The following BEND4 variants were observed in gnomAD, a reference collection of about 807,000 sequenced individuals.
BEND4 encodes the protein BEN domain containing 4.
Under a neutral mutation model 54.7 loss-of-function variants are expected in BEND4, and 27 were observed. That is an observed-to-expected ratio of 0.49 (90% CI 0.36 to 0.68). BEND4 has a LOEUF of 0.68. BEND4 is among the 30% of genes least tolerant of loss of function. BEND4 has a pLI of 0.00. For missense variants in BEND4, 702 were observed against 697.2 expected, an observed-to-expected ratio of 1.01 and a Z score of -0.08; for synonymous variants, 327 against 299.5, an observed-to-expected ratio of 1.09 and a Z score of -0.95.
At position 42,115,561 on chromosome 4, in the gene BEND4, A is replaced by T. The variant is rs1719776694; in HGVS notation, c.*1957T>A. On this transcript the variant is annotated 3_prime_UTR_variant, in exon 6 of 6. Coordinates refer to ENST00000502486, the MANE Select transcript of BEND4 (RefSeq NM_207406.4). The stretch of plus-strand genomic sequence containing the variant: ...CAGAACGATGTATTCAGCAGTAAGG[A>T]CAACTTAAGGCCAATGAAAAATTAA... 1 of 152,252 alleles carries T rather than the reference A, an allele frequency of 6.6e-6. No homozygotes were observed. The highest frequency in any genetic ancestry group is 2.4e-5 in the African/African-American group (1 of 41,468). 9.4% of individuals were successfully genotyped at this position (152,252 alleles called of 1,614,324 possible).
intron 2 of BEND4, among the ~76,000 whole-genome samples, chr4:42,145,279 G>C (rs1430308460): frequency 1.3e-5 from 2 of 152,146 alleles, no homozygotes; most frequent in Non-Finnish European, 2.9e-5. Flanking sequence ...CACTACAGGA[G>C]AACTCCATGC....
At chr4:42,141,203 C>T (rs1193011487) in intron 3 of BEND4, among the ~76,000 whole-genome samples, 4 of 152,172 alleles carry the variant, frequency 2.6e-5, no homozygotes, top group Non-Finnish European at 5.9e-5. Context: ...AAGGAGAAAA[C>T]GGATTTGCTG....
intron 4 of BEND4, among the ~76,000 whole-genome samples, chr4:42,120,772 C>T (rs558213351): frequency 6.6e-6 from 1 of 152,090 alleles, no homozygotes; most frequent in South Asian, 2.1e-4. Flanking sequence ...ACCTGGTAGT[C>T]ACTGCATTAC....
chr4:42,116,390 A>T lies in BEND4; in HGVS notation c.*1128T>A, dbSNP rs1032353976. 1.3e-5 allele frequency: 2 copies of T among 152,256 alleles called. No homozygotes were observed. The highest frequency in any genetic ancestry group is 2.9e-5 in the Non-Finnish European group (2 of 68,048). 9.4% of individuals were successfully genotyped at this position (152,256 alleles called of 1,614,324 possible). A position where few individuals can be genotyped will look rare whatever the true frequency, so the allele number is the denominator to read the frequency against. On this transcript the variant is annotated 3_prime_UTR_variant, in exon 6 of 6. Coordinates refer to ENST00000502486, the MANE Select transcript of BEND4 (RefSeq NM_207406.4). ...ACTAATTTCACATATGGAACTCAAC[A>T]AATTAACCAGGGGATAGCGGCACAG...
At chr4:42,133,705 A>T (rs1212930662) in intron 3 of BEND4, among the ~76,000 whole-genome samples, 2 of 152,144 alleles carry the variant, frequency 1.3e-5, no homozygotes, top group Admixed American at 6.5e-5. Flanking sequence ...AATACAAAAA[A>T]TTAGCTGGGT....
intron 3 of BEND4, among the ~76,000 whole-genome samples, chr4:42,128,814 T>C (rs555500275): frequency 2.0e-5 from 3 of 151,556 alleles, no homozygotes; most frequent in Non-Finnish European, 4.4e-5. Flanking sequence ...TGGGCGCCTG[T>C]AGTCCCAGCT....
Position 42,151,990 on chromosome 4 carries a change from C to G in BEND4, c.154G>C (p.Val52Leu). 1 of 1,254,276 alleles carries G rather than the reference C, an allele frequency of 8.0e-7. No homozygotes were observed. Among genetic ancestry groups the G allele is most frequent in the Non-Finnish European group, 1.0e-6 (1 of 995,110 alleles). The allele number at this position is 1,254,276 out of a possible 1,614,324, so 77.7% of individuals were successfully genotyped here. A position where few individuals can be genotyped will look rare whatever the true frequency, so the allele number is the denominator to read the frequency against. Reference protein sequence around the residue: ...ERPTLVELPHVRAPPPPPPPF... With the variant: ...ERPTLVELPHLRAPPPPPPPF... The stretch of plus-strand genomic sequence containing the variant: ...GGCGGGGGCGGCGGGGGCGCCCGCA[C>G]GTGCGGCAGCTCCACCAGGGTGGGT... Residue 52 changes from valine (V) to leucine (L), a missense_variant, in exon 2 of 6, where the codon GTG (valine) becomes CTG (leucine). Coordinates refer to ENST00000502486, the MANE Select transcript of BEND4 (RefSeq NM_207406.4).
chr4:42,151,431 A>C, intron 2 of BEND4: 2 of 349,994 alleles, frequency 5.7e-6, no homozygotes, highest in East Asian at 9.3e-5. Context: ...GCGGGATCCA[A>C]GCCGCGGAGC....
Position 42,151,972 on chromosome 4 carries a change from G to A in BEND4, c.172C>T (p.Pro58Ser), listed in dbSNP as rs1028356119. The stretch of plus-strand genomic sequence containing the variant: ...GCGTGCGGCGCGAAGGGCGGCGGGG[G>A]CGGCGGGGGCGCCCGCACGTGCGGC... ...ELPHVRAPPP[P>S]PPPFAPHAAV... Residue 58 changes from proline to serine, a missense_variant, in exon 2 of 6, where the codon CCC becomes TCC. By Grantham distance (74) the Pro-to-Ser change is moderately conservative. Transcript: ENST00000502486. 21 of 1,251,514 alleles carry A rather than the reference G, an allele frequency of 1.7e-5. No homozygotes were observed. Among genetic ancestry groups the A allele is most frequent in the African/African-American group, 3.1e-5 (2 of 64,166 alleles). 77.5% of individuals were successfully genotyped at this position (1,251,514 alleles called of 1,614,324 possible).
chr4:42,122,722 T>C (rs1720111645), intron 4 of BEND4, among the ~76,000 whole-genome samples: 1 of 152,228 alleles, frequency 6.6e-6, no homozygotes, highest in African/African-American at 2.4e-5. Flanking sequence ...TCTAGCTGCT[T>C]TTTAAGCTGT....
chr4:42,117,230 G>A lies in BEND4; in HGVS notation c.*288C>T, dbSNP rs1409365711. 1 of 265,502 alleles carries A rather than the reference G, an allele frequency of 3.8e-6. No individual in the cohort carries two copies. The highest frequency in any genetic ancestry group is 8.8e-5 in the East Asian group (1 of 11,336). The allele number at this position is 265,502 out of a possible 1,614,324, so 16.4% of individuals were successfully genotyped here. A position where few individuals can be genotyped will look rare whatever the true frequency, so the allele number is the denominator to read the frequency against. On this transcript the variant is annotated 3_prime_UTR_variant, in exon 6 of 6. Coordinates refer to ENST00000502486, the MANE Select transcript of BEND4 (RefSeq NM_207406.4). ...TAGCAGAGTTTGAAGATTTCAGAAA[G>A]GTAACTAGGAGCTCACCTATTTTTT... is the stretch of plus-strand genomic sequence containing the variant.
chr4:42,133,638 T>G (rs975916888), intron 3 of BEND4, among the ~76,000 whole-genome samples: 1 of 151,322 alleles, frequency 6.6e-6, no homozygotes, highest in African/African-American at 2.4e-5. Context: ...GTAGATCACG[T>G]GGTCAGGAGA....
chr4:42,125,676 T>C lies in BEND4; in HGVS notation c.1055-2A>G. 6.3e-7 allele frequency: 1 copy of C among 1,589,670 alleles called. No homozygotes were observed. The highest frequency in any genetic ancestry group is 8.6e-7 in the Non-Finnish European group (1 of 1,168,632). ...AATCTAAAACGGTCTGGCAGGGCAC[T>C]GGGTGGAAGAAATGGCAACAATTAC... On this transcript the variant is annotated splice_acceptor_variant, in intron 3 of 5. Coordinates refer to ENST00000502486, the MANE Select transcript of BEND4 (RefSeq NM_207406.4). LOFTEE classifies it high-confidence loss of function.
chr4:42,134,712 A>G (rs1720635487), intron 3 of BEND4, among the ~76,000 whole-genome samples: 1 of 152,228 alleles, frequency 6.6e-6, no homozygotes, highest in Non-Finnish European at 1.5e-5. Flanking sequence ...CTTGCTTGCG[A>G]ACTGTGGGAA....
In BEND4 at chr4:42,145,068, A is replaced by G. The variant is rs555159566; in HGVS notation, c.488-1074T>C. Among the ~76,000 whole-genome samples, 15 of 152,304 alleles carry G rather than the reference A, an allele frequency of 9.8e-5. No individual in the cohort carries two copies. The East Asian group carries it at 2.3e-3, about 23-fold the overall frequency. On this transcript the variant is annotated intron_variant, in intron 2 of 5. Transcript: ENST00000502486. ...AATATTCTAGATTGTAGATGCCTAT[A>G]ACTATTGTTTAAGATAAAAATGCAA...
At chr4:42,131,886 C>A (rs894383490) in intron 3 of BEND4, among the ~76,000 whole-genome samples, 1 of 152,124 alleles carries the variant, frequency 6.6e-6, no homozygotes, top group Non-Finnish European at 1.5e-5. Context: ...TCCTACAAGG[C>A]AGGGACCTTG....
At chr4:42,151,436 C>T in intron 2 of BEND4, 1 of 366,150 alleles carries the variant, frequency 2.7e-6, no homozygotes, top group Non-Finnish European at 4.8e-6. Flanking sequence ...ATCCAAGCCG[C>T]GGAGCCACCT....
At position 42,151,814 on chromosome 4, in the gene BEND4, C is replaced by T. The variant is rs1420238580; in HGVS notation, c.330G>A (p.Gln110=). The change falls in exon 2 of 6, where the codon CAG becomes CAA. Residue 110 remains glutamine, a synonymous_variant. Transcript: ENST00000502486. ...SSPSCTPATS[Q]GHLRTPAQPP... ...GCTGCGCCGGAGTCCTCAAGTGGCC[C>T]TGGGATGTGGCGGGCGTGCAGGACG... 7.0e-7 allele frequency: 1 copy of T among 1,437,172 alleles called. No homozygotes were observed. Among genetic ancestry groups the T allele is most frequent in the Non-Finnish European group, 9.0e-7 (1 of 1,106,224 alleles). The allele number at this position is 1,437,172 out of a possible 1,614,324, so 89.0% of individuals were successfully genotyped here. A position where few individuals can be genotyped will look rare whatever the true frequency, so the allele number is the denominator to read the frequency against.
At chr4:42,140,054 T>C (rs1018329135) in intron 3 of BEND4, among the ~76,000 whole-genome samples, 3 of 152,192 alleles carry the variant, frequency 2.0e-5, no homozygotes, top group African/African-American at 7.2e-5. Flanking sequence ...CACAGGCTAG[T>C]TTATTGTTTA....
Sources: allele counts gnomAD v4.1 joint callset (sites outside exome capture counted in the v4.1 genomes callset), GRCh38; gene constraint gnomAD v4.1.1; transcripts MANE v1.5; gene names NCBI Gene and HGNC (gene_info 2026-07-23, HGNC 2026-07-21).